KIAA1958: variants seen among roughly 807,000 people sequenced by gnomAD.
The protein encoded by KIAA1958 is KIAA1958, also known as uncharacterized protein KIAA1958.
A neutral mutation model predicts 47.2 loss-of-function variants in KIAA1958; 14 were observed. The ratio of observed to expected loss-of-function variants is 0.30; its 90% CI spans 0.20 to 0.46. KIAA1958 has a LOEUF of 0.46. Ranked by LOEUF, KIAA1958 falls within the 20% of genes least tolerant of loss-of-function variation. KIAA1958 has a pLI of 1.00. For synonymous variants in KIAA1958, 354 were observed against 353.3 expected, an observed-to-expected ratio of 1.00 and a Z score of -0.02; for missense variants, 803 against 909.2, an observed-to-expected ratio of 0.88 and a Z score of 1.50.
intron 2 of KIAA1958, among the ~76,000 whole-genome samples, chr9:112,599,509 T>C (rs1347280298): frequency 2.6e-5 from 4 of 152,192 alleles, no homozygotes; most frequent in Admixed American, 2.0e-4. Context: ...GAGTCAGATA[T>C]TGAAAACAAT....
At chr9:112,508,758 G>T (rs893592538) in intron 1 of KIAA1958, among the ~76,000 whole-genome samples, 1 of 152,076 alleles carries the variant, frequency 6.6e-6, no homozygotes, top group Non-Finnish European at 1.5e-5. Flanking sequence ...TTTTGAAATC[G>T]GTTTTCTGTT....
chr9:112,556,082 A>G (rs1362008990), intron 1 of KIAA1958, among the ~76,000 whole-genome samples: 1 of 152,062 alleles, frequency 6.6e-6, no homozygotes, highest in Non-Finnish European at 1.5e-5. Context: ...TCTGTCTCCA[A>G]AAAAAAAGCT....
intron 1 of KIAA1958, among the ~76,000 whole-genome samples, chr9:112,530,585 T>G (rs1372446914): frequency 6.6e-6 from 1 of 152,206 alleles, no homozygotes; most frequent in African/African-American, 2.4e-5. Flanking sequence ...TAGGTGAAAA[T>G]ATATAGGGTT....
At chr9:112,598,305 A>G (rs1940078967) in intron 2 of KIAA1958, among the ~76,000 whole-genome samples, 1 of 152,212 alleles carries the variant, frequency 6.6e-6, no homozygotes, top group Admixed American at 6.5e-5. Context: ...GGAGGAAACC[A>G]TGTGAGCTTA....
At chr9:112,502,618 A>G (rs928563160) in intron 1 of KIAA1958, among the ~76,000 whole-genome samples, 8 of 152,230 alleles carry the variant, frequency 5.3e-5, no homozygotes, top group African/African-American at 1.9e-4. Flanking sequence ...ATACCAATTT[A>G]TCTAGTAATT....
intron 1 of KIAA1958, among the ~76,000 whole-genome samples, chr9:112,562,228 A>AT (rs984460592): frequency 2.6e-5 from 4 of 152,180 alleles, no homozygotes; most frequent in African/African-American, 9.7e-5. Flanking sequence ...TGAAGTGATT[A>AT]TTTTTTTCAC....
chr9:112,534,984 C>G (rs1428544287), intron 1 of KIAA1958, among the ~76,000 whole-genome samples: 1 of 152,006 alleles, frequency 6.6e-6, no homozygotes. Context: ...TTTTAATTGA[C>G]AAATAAAAAT....
intron 1 of KIAA1958, among the ~76,000 whole-genome samples, chr9:112,500,014 G>T (rs1208332118): frequency 6.6e-6 from 1 of 151,974 alleles, no homozygotes; most frequent in Non-Finnish European, 1.5e-5. Context: ...CTAATGATAT[G>T]TTTATATACT....
chr9:112,657,349 C>CT (rs1278987146), intron 3 of KIAA1958, among the ~76,000 whole-genome samples: 1 of 152,146 alleles, frequency 6.6e-6, no homozygotes, highest in Non-Finnish European at 1.5e-5. Flanking sequence ...GCCTCAGCCT[C>CT]CCAAAGTGCT....
chr9:112,504,907 G>A (rs1377603265), intron 1 of KIAA1958, among the ~76,000 whole-genome samples: 1 of 152,124 alleles, frequency 6.6e-6, no homozygotes, highest in Non-Finnish European at 1.5e-5. Context: ...AGGGTATTTA[G>A]CATGTCTATT....
chr9:112,491,902 T>A (rs1833977117), intron 1 of KIAA1958, among the ~76,000 whole-genome samples: 1 of 152,202 alleles, frequency 6.6e-6, no homozygotes, highest in African/African-American at 2.4e-5. Context: ...TGTCCTTTTT[T>A]AATTGCAAAT....
At chr9:112,501,250 G>C (rs915312794) in intron 1 of KIAA1958, among the ~76,000 whole-genome samples, 1 of 151,830 alleles carries the variant, frequency 6.6e-6, no homozygotes, top group South Asian at 2.1e-4. Context: ...ACCAGCCTGG[G>C]CAACAAAGCA....
intron 1 of KIAA1958, among the ~76,000 whole-genome samples, chr9:112,534,203 G>T (rs1185843788): frequency 6.6e-6 from 1 of 152,132 alleles, no homozygotes; most frequent in African/African-American, 2.4e-5. Flanking sequence ...TATTATACAT[G>T]TCTCAAGATT....
At chr9:112,501,205 G>A (rs1251710568) in intron 1 of KIAA1958, among the ~76,000 whole-genome samples, 1 of 151,922 alleles carries the variant, frequency 6.6e-6, no homozygotes, top group East Asian at 1.9e-4. Context: ...TTGGGAGGCT[G>A]AGGTGAGAGG....
intron 2 of KIAA1958, among the ~76,000 whole-genome samples, chr9:112,640,751 G>A (rs946612527): frequency 6.6e-6 from 1 of 152,178 alleles, no homozygotes. Flanking sequence ...TTGTGTTCCA[G>A]TGAATTTTAT....
At chr9:112,622,259 T>C (rs1187707755) in intron 2 of KIAA1958, among the ~76,000 whole-genome samples, 3 of 152,222 alleles carry the variant, frequency 2.0e-5, no homozygotes, top group Admixed American at 1.3e-4. Flanking sequence ...TTTCAGGCAA[T>C]CCTGTGGCTC....
chr9:112,509,594 T>C (rs1056271244), intron 1 of KIAA1958, among the ~76,000 whole-genome samples: 9 of 152,016 alleles, frequency 5.9e-5, no homozygotes, highest in Non-Finnish European at 8.8e-5. Flanking sequence ...GTCAGTGTAG[T>C]AAGTAAGGTA....
intron 1 of KIAA1958, among the ~76,000 whole-genome samples, chr9:112,489,065 A>G (rs1833918004): frequency 6.6e-6 from 1 of 152,244 alleles, no homozygotes; most frequent in Non-Finnish European, 1.5e-5. Context: ...ACAGCTCAGT[A>G]TGTGGCTCTG....
At chr9:112,490,993 A>C (rs1833959069) in intron 1 of KIAA1958, among the ~76,000 whole-genome samples, 1 of 152,238 alleles carries the variant, frequency 6.6e-6, no homozygotes, top group Non-Finnish European at 1.5e-5. Context: ...TTAGAGACAC[A>C]GTCGCACTCT....
Sources: allele counts gnomAD v4.1 joint callset (sites outside exome capture counted in the v4.1 genomes callset), GRCh38; gene constraint gnomAD v4.1.1; transcripts MANE v1.5; gene names NCBI Gene and HGNC (gene_info 2026-07-23, HGNC 2026-07-21).